HDLBP: variants seen among roughly 807,000 people sequenced by gnomAD.
The protein encoded by HDLBP is vigilin.
In HDLBP, 30 loss-of-function variants were observed where a neutral mutation model predicts 137.3. The ratio of observed to expected loss-of-function variants is 0.22; its 90% confidence interval spans 0.16 to 0.30. The LOEUF (loss-of-function observed/expected upper bound fraction) is 0.30. Among genes scored for constraint, HDLBP ranks in the 10% least tolerant of loss-of-function variants. The probability of loss-of-function intolerance (pLI) is 1.00; values close to 1 mark genes in which losing one functional copy is unlikely to be tolerated. For missense variants in HDLBP, 1,119 were observed against 1,667.3 expected (o/e 0.67, Z 5.73); for synonymous variants, 606 against 596.0 (o/e 1.02, Z -0.24).
In HDLBP at chr2:241,300,378, C is replaced by A. The variant is rs1233772138; in HGVS notation, c.-103+15192G>T. On this transcript the variant is annotated intron_variant, in intron 1 of 27. Coordinates refer to ENST00000310931, the MANE Select transcript of HDLBP (RefSeq NM_005336.6). ...CCCACGACATGTAACAGGAACACTGCCCAGCGAGAATTAGGAATATTTAAG... is the reference window on the plus strand; with the variant it reads ...CCCACGACATGTAACAGGAACACTGACCAGCGAGAATTAGGAATATTTAAG... Among the ~76,000 whole-genome samples the A allele has an allele frequency of 3.9e-5, 6 of 152,260 alleles. No individual in the cohort carries two copies. In the East Asian group the frequency reaches 1.2e-3, roughly 29 times the overall value.
chr2:241,259,536 T>C (rs551663627), intron 5 of HDLBP, among the ~76,000 whole-genome samples: 2 of 152,356 alleles, frequency 1.3e-5, no homozygotes, highest in African/African-American at 4.8e-5. Flanking sequence ...TCACCCAGGC[T>C]GGGCTGTGGT....
chr2:241,254,486 A>ATT (rs34980914), intron 9 of HDLBP, among the ~76,000 whole-genome samples: 54 of 139,576 alleles, frequency 3.9e-4, no homozygotes, highest in African/African-American at 1.2e-3. Context: ...TCTTCAAAGT[A>ATT]TTTTTTTTTT....
chr2:241,294,468 T>TA (rs2075110262), intron 1 of HDLBP, among the ~76,000 whole-genome samples: 2 of 152,336 alleles, frequency 1.3e-5, no homozygotes, highest in East Asian at 3.9e-4. Flanking sequence ...TATTTTATTA[T>TA]TTATTTATTT....
chr2:241,290,829 T>C (rs1261580726), intron 1 of HDLBP, among the ~76,000 whole-genome samples: 1 of 152,176 alleles, frequency 6.6e-6, no homozygotes, highest in Non-Finnish European at 1.5e-5. Flanking sequence ...CATCAGAGAA[T>C]TATTTAACTT....
In HDLBP at chr2:241,272,312, C is replaced by T. The variant is rs2074131497; in HGVS notation, c.-102-3771G>A. ...CCCCCACCCTGGCCGCACACGGCGC[C>T]CCCGCCGGAGCGGGGGAGGGGAGGG... On this transcript the variant is annotated intron_variant, in intron 1 of 27. Transcript: ENST00000310931. This position sits in a 1 kb window ranked among gnomAD's most constrained non-coding sequence, Gnocchi z 5.6. 4.1e-6 allele frequency: 4 copies of T among 983,452 alleles called. No individual in the cohort carries two copies. The highest frequency in any genetic ancestry group is 1.2e-4 in the Admixed American group (2 of 16,228). 60.9% of individuals were successfully genotyped at this position (983,452 alleles called of 1,614,324 possible).
intron 1 of HDLBP, chr2:241,273,122 T>G (rs1054322696): frequency 1.0e-6 from 1 of 985,358 alleles, no homozygotes; most frequent in Non-Finnish European, 1.2e-6. Context: ...ACGGCTGCTC[T>G]GGAAGCAGAT....
chr2:241,308,302 G>C (rs886862357), intron 1 of HDLBP, among the ~76,000 whole-genome samples: 1 of 152,160 alleles, frequency 6.6e-6, no homozygotes, highest in Non-Finnish European at 1.5e-5. Context: ...GTGAGACAAA[G>C]CAAAATCCAC....
chr2:241,305,783 G>C (rs1457034431), intron 1 of HDLBP, among the ~76,000 whole-genome samples: 1 of 144,496 alleles, frequency 6.9e-6, no homozygotes, highest in Admixed American at 6.9e-5. Context: ...TTTTTGAGAT[G>C]GAGTCTCGCT....
rs1312477804 is a variant in HDLBP at position 241,246,956 on chromosome 2, C to A, written c.1819-73G>T. On this transcript the variant is annotated intron_variant, in intron 15 of 27. Coordinates refer to ENST00000310931, the MANE Select transcript of HDLBP (RefSeq NM_005336.6). ...AGTTGAGACACAGTTGAGCACAGGG[C>A]TAGAAGTAAGGAAGAGTCCCTCCTA... 4 of 1,589,592 alleles carry A rather than the reference C, an allele frequency of 2.5e-6. No individual in the cohort carries two copies. In the South Asian group the frequency reaches 3.3e-5, roughly 13 times the overall value.
At position 241,240,223 on chromosome 2, in the gene HDLBP, A is replaced by G. The variant is rs1053405301; in HGVS notation, c.2170-101T>C. 8.0e-6 allele frequency: 9 copies of G among 1,130,918 alleles called. No individual in the cohort carries two copies. Among genetic ancestry groups the G allele is most frequent in the Non-Finnish European group, 1.2e-5 (9 of 744,226 alleles). The allele number at this position is 1,130,918 out of a possible 1,614,324, so 70.1% of individuals were successfully genotyped here. On this transcript the variant is annotated intron_variant, in intron 17 of 27. Transcript: ENST00000310931. This position sits in a 1 kb window ranked among gnomAD's most constrained non-coding sequence, Gnocchi z 5.5. ...AGGACAGCAAGCTCGGGCTCCCCTT[A>G]CATTGTCACCAGTGTCCTGATGTTG...
At chr2:241,248,486 G>A (rs1033925912) in intron 12 of HDLBP, 138 bp from the exon 13 acceptor site, 2 of 695,090 alleles carry the variant, frequency 2.9e-6, no homozygotes, top group African/African-American at 1.8e-5. Flanking sequence ...GCACCTCGTA[G>A]CACCCCGGGA....
At chr2:241,250,098 A>G in intron 11 of HDLBP, 118 bp from the exon 12 acceptor site, 1 of 1,004,352 alleles carries the variant, frequency 1.0e-6, no homozygotes, top group East Asian at 2.6e-5. Context: ...TCCCATCACC[A>G]AAAACGATGC....
intron 1 of HDLBP, chr2:241,273,720 A>C: frequency 1.1e-6 from 1 of 947,202 alleles, no homozygotes; most frequent in Non-Finnish European, 1.3e-6. Flanking sequence ...ACAGGGGAAG[A>C]GGTAGGGGCA....
intron 1 of HDLBP, among the ~76,000 whole-genome samples, chr2:241,300,218 A>T (rs980792021): frequency 1.3e-5 from 2 of 151,854 alleles, no homozygotes; most frequent in African/African-American, 4.8e-5. Flanking sequence ...CACCCCGCCC[A>T]GTTCTTCCTA....
intron 1 of HDLBP, among the ~76,000 whole-genome samples, chr2:241,274,250 A>G (rs1021315222): frequency 5.3e-5 from 8 of 152,160 alleles, no homozygotes; most frequent in African/African-American, 1.7e-4. Flanking sequence ...GCACTTCATG[A>G]CACCACCTAG....
intron 17 of HDLBP, among the ~76,000 whole-genome samples, chr2:241,241,063 T>C (rs1045840361): frequency 1.6e-4 from 25 of 151,858 alleles, no homozygotes; most frequent in African/African-American, 5.6e-4. Flanking sequence ...CATTAGGCAA[T>C]CAATTAGGCA....
At chr2:241,300,066 ATTTT>A (rs79956325) in intron 1 of HDLBP, among the ~76,000 whole-genome samples, 21 of 151,078 alleles carry the variant, frequency 1.4e-4, no homozygotes, top group Admixed American at 6.6e-4. Context: ...TTCATAAAAG[ATTTT>A]TTTTTTCTGG....
At chr2:241,248,212 TAG>T in intron 13 of HDLBP, 30 bp downstream of exon 13, 2 of 1,574,632 alleles carry the variant, frequency 1.3e-6, no homozygotes, top group Non-Finnish European at 1.7e-6. Context: ...ATCACTCCTA[TAG>T]AGTTACAGAA....
chr2:241,236,769 A>G lies in HDLBP; in HGVS notation c.2750T>C (p.Val917Ala). The G allele has an allele frequency of 3.1e-6, 5 of 1,613,860 alleles. No individual in the cohort carries two copies. Among genetic ancestry groups the G allele is most frequent in the Non-Finnish European group, 4.2e-6 (5 of 1,179,854 alleles). Residue 917 changes from valine (V) to alanine (A), a missense_variant and splice_region_variant, in exon 21 of 28, where the codon GTT becomes GCT. Physicochemically the swap from Val to Ala is moderately conservative, Grantham distance 64. This residue lies in a region of HDLBP where 618 missense variants were observed against 816.7 expected (regional missense o/e 0.76). Transcript: ENST00000310931. The stretch of plus-strand genomic sequence containing the variant: ...CTGGACAACTGGCTCTGTACTGTGA[A>G]CTAGAGAGAAAGGGGAAAAGGGACA... ...IKFPDREENAVHSTEPVVQEN... is the reference protein window; with the variant it reads ...IKFPDREENAAHSTEPVVQEN...
Sources: allele counts gnomAD v4.1 joint callset (sites outside exome capture counted in the v4.1 genomes callset), GRCh38; gene constraint gnomAD v4.1.1; regional missense constraint gnomAD v4.1.1; non-coding constraint Gnocchi (gnomAD v3.1); transcripts MANE v1.5; gene names NCBI Gene and HGNC (gene_info 2026-07-23, HGNC 2026-07-21).